AZIN1: variants seen among roughly 807,000 people sequenced by gnomAD.
AZIN1 encodes the protein ornithine decarboxylase antizyme inhibitor.
AZIN1 carries 12 observed loss-of-function variants against 47.4 expected under a neutral mutation model. The ratio of observed to expected loss-of-function variants is 0.25; its 90% CI spans 0.16 to 0.41. The LOEUF (loss-of-function observed/expected upper bound fraction) is 0.41. Among genes scored for constraint, AZIN1 ranks in the 10% least tolerant of loss-of-function variants. AZIN1 has a pLI of 1.00. For missense variants in AZIN1, 410 were observed against 532.4 expected, an observed-to-expected ratio of 0.77 and a Z score of 2.26; for synonymous variants, 155 against 176.3, an observed-to-expected ratio of 0.88 and a Z score of 0.96.
At position 102,828,680 on chromosome 8, in the gene AZIN1, T is replaced by A; in HGVS notation, c.1236-2A>T. On this transcript the variant is annotated splice_acceptor_variant, in intron 11 of 11. Transcript: ENST00000337198. LOFTEE classifies it high-confidence loss of function. ...ATTCCAGCATCTTGCATCTCATACC[T>A]ACGTAGAAAAAAAATCAGCTAAATT... 6.3e-7 allele frequency: 1 copy of A among 1,589,842 alleles called. No individual in the cohort carries two copies. Among genetic ancestry groups the A allele is most frequent in the Non-Finnish European group, 8.6e-7 (1 of 1,162,312 alleles).
chr8:102,863,541 C>G (rs1318994959), intron 1 of AZIN1, among the ~76,000 whole-genome samples: 3 of 151,456 alleles, frequency 2.0e-5, no homozygotes, highest in Non-Finnish European at 3.0e-5. Context: ...TGGCACACGC[C>G]CCCTCGCCCC....
chr8:102,862,550 T>G (rs907419013), intron 1 of AZIN1, among the ~76,000 whole-genome samples: 7 of 152,170 alleles, frequency 4.6e-5, no homozygotes, highest in African/African-American at 1.7e-4. Context: ...TAAAAGAAAT[T>G]AATGAATTAT....
At position 102,827,590 on chromosome 8, in the gene AZIN1, G is replaced by C. The variant is rs1230863495; in HGVS notation, c.*977C>G. ...AAGTTTTAGTGCTCTGCAGTTTTCT[G>C]CAATTTTATTTCCCTCCCCCCAAGT... On this transcript the variant is annotated 3_prime_UTR_variant, in exon 12 of 12. Coordinates refer to ENST00000337198, the MANE Select transcript of AZIN1 (RefSeq NM_148174.4). 1 of 152,148 alleles carries C rather than the reference G, an allele frequency of 6.6e-6. No individual in the cohort carries two copies. The highest frequency in any genetic ancestry group is 1.9e-4 in the East Asian group (1 of 5,190). The allele number at this position is 152,148 out of a possible 1,614,324, so 9.4% of individuals were successfully genotyped here. A position where few individuals can be genotyped will look rare whatever the true frequency, so the allele number is the denominator to read the frequency against.
At chr8:102,850,084 C>G (rs903458972) in intron 2 of AZIN1, 39 of 152,316 alleles carry the variant, frequency 2.6e-4, no homozygotes, top group African/African-American at 8.4e-4. Flanking sequence ...CTGGCAGCAA[C>G]AGCCCACTTG....
At chr8:102,863,507 C>A (rs1813889365) in intron 1 of AZIN1, among the ~76,000 whole-genome samples, 1 of 151,616 alleles carries the variant, frequency 6.6e-6, no homozygotes, top group Non-Finnish European at 1.5e-5. Flanking sequence ...CCCCCGGCGG[C>A]GAGACCCCCG....
intron 2 of AZIN1, among the ~76,000 whole-genome samples, chr8:102,845,291 G>A (rs925448207): frequency 1.3e-5 from 2 of 152,204 alleles, no homozygotes; most frequent in Non-Finnish European, 2.9e-5. Context: ...CAAATTTCAT[G>A]AAATACAAAT....
Position 102,826,346 on chromosome 8 carries a change from A to G in AZIN1, c.*2221T>C, listed in dbSNP as rs1052255522. The G allele has an allele frequency of 6.6e-6, 1 of 152,670 alleles. No individual in the cohort carries two copies. Among genetic ancestry groups the G allele is most frequent in the African/African-American group, 2.4e-5 (1 of 41,470 alleles). 9.5% of individuals were successfully genotyped at this position (152,670 alleles called of 1,614,324 possible). ...TTTACCTCTATTTCAGATAGAAGCC[A>G]AAGTAAAACATGAGGAATAAAAACA... On this transcript the variant is annotated 3_prime_UTR_variant, in exon 12 of 12. Coordinates refer to ENST00000337198, the MANE Select transcript of AZIN1 (RefSeq NM_148174.4).
chr8:102,832,498 CAG>C (rs1811522345), intron 9 of AZIN1, among the ~76,000 whole-genome samples: 1 of 152,102 alleles, frequency 6.6e-6, no homozygotes, highest in Non-Finnish European at 1.5e-5. Flanking sequence ...GTAAGGAGAA[CAG>C]AAAAGATCAC....
intron 2 of AZIN1, among the ~76,000 whole-genome samples, chr8:102,852,930 A>AC (rs1460861293): frequency 6.6e-6 from 1 of 152,194 alleles, no homozygotes; most frequent in Non-Finnish European, 1.5e-5. Flanking sequence ...GCTTATCTGA[A>AC]CAATGGCCAG....
In AZIN1 at chr8:102,860,711, A is replaced by G. The variant is rs147179566; in HGVS notation, c.-233-2561T>C. On this transcript the variant is annotated intron_variant, in intron 1 of 11. Coordinates refer to ENST00000337198, the MANE Select transcript of AZIN1 (RefSeq NM_148174.4). ...TACAAAAACTTTCTATCACTTTGAC[A>G]GTAACTATTACAAACTTAGTATCTC... Among the ~76,000 whole-genome samples, 252 of 152,362 alleles carry G rather than the reference A, an allele frequency of 1.7e-3. 1 individual carries two copies. Among genetic ancestry groups the G allele is most frequent in the African/African-American group, 5.8e-3 (242 of 41,588 alleles).
At chr8:102,836,760 A>G (rs761833573) in intron 5 of AZIN1, among the ~76,000 whole-genome samples, 4 of 152,214 alleles carry the variant, frequency 2.6e-5, no homozygotes, top group Non-Finnish European at 2.9e-5. Flanking sequence ...TTCAATAAAA[A>G]TATCAGGGCT....
At chr8:102,831,075 C>G (rs1811426205) in intron 9 of AZIN1, among the ~76,000 whole-genome samples, 1 of 152,086 alleles carries the variant, frequency 6.6e-6, no homozygotes, top group Non-Finnish European at 1.5e-5. Flanking sequence ...AACCAAGGCT[C>G]CCTGGAGAAA....
chr8:102,835,339 CGA>C (rs1811750908), intron 6 of AZIN1: 1 of 152,314 alleles, frequency 6.6e-6, no homozygotes, highest in South Asian at 2.1e-4. Flanking sequence ...TTCATCTATT[CGA>C]GATAGTACTT....
At chr8:102,836,617 A>T in intron 5 of AZIN1, 1 of 503,432 alleles carries the variant, frequency 2.0e-6, no homozygotes, top group Middle Eastern at 5.2e-4. Flanking sequence ...AAATGCAGCA[A>T]GTTAAGACTC....
At chr8:102,839,090 G>A (rs1422861383) in intron 4 of AZIN1, among the ~76,000 whole-genome samples, 174 bp from the exon 5 acceptor site, 2 of 152,192 alleles carry the variant, frequency 1.3e-5, no homozygotes, top group Non-Finnish European at 2.9e-5. Context: ...CTCTGGGGCT[G>A]CTCAAGTGAT....
In AZIN1 at chr8:102,828,563, C is replaced by A; in HGVS notation, c.*4G>T. The A allele has an allele frequency of 6.3e-7, 1 of 1,590,948 alleles. No individual in the cohort carries two copies. Among genetic ancestry groups the A allele is most frequent in the Non-Finnish European group, 8.6e-7 (1 of 1,161,984 alleles). ...TTCAGATCTAAAGAAGCGTTAATGC[C>A]TGTTTAAGCTTCAGCGGAAAAGCTG... On this transcript the variant is annotated 3_prime_UTR_variant, in exon 12 of 12. Transcript: ENST00000337198.
Position 102,834,224 on chromosome 8 carries a change from C to T in AZIN1, c.706G>A (p.Gly236Arg). The part of the protein sequence containing the change: ...GFTMNMLDIG[G>R]GFTGTEFQLE... ...TGAAATTCAGTTCCCGTGAATCCTC[C>T]ACCAATGTCTAACATGTTCATCGTA... The change falls in exon 8 of 12, where the codon GGA (glycine) becomes AGA (arginine). Residue 236 changes from glycine (G) to arginine (R), a missense_variant. Gly to Arg is a moderately radical substitution (Grantham distance 125). Transcript: ENST00000337198. 1 of 1,612,712 alleles carries T rather than the reference C, an allele frequency of 6.2e-7. No individual in the cohort carries two copies. Among genetic ancestry groups the T allele is most frequent in the Non-Finnish European group, 8.5e-7 (1 of 1,179,806 alleles).
chr8:102,828,629 A>T lies in AZIN1; in HGVS notation c.1285T>A (p.Phe429Ile), dbSNP rs753019754. 3 of 1,611,858 alleles carry T rather than the reference A, an allele frequency of 1.9e-6. No homozygotes were observed. Among genetic ancestry groups the T allele is most frequent in the Non-Finnish European group, 2.5e-6 (3 of 1,178,224 alleles). The change falls in exon 12 of 12, where the codon TTC becomes ATC. Residue 429 changes from phenylalanine to isoleucine, a missense_variant. Physicochemically the swap from Phe to Ile is conservative, Grantham distance 21 (BLOSUM62 0). Transcript: ENST00000337198. ...GITSDSMMKN[F>I]FFVPSCIQLS... ...TGAATGCAAGAAGGCACAAAGAAGA[A>T]GTTCTTCATCATTGAGTCTGAAGTA...
At position 102,833,177 on chromosome 8, in the gene AZIN1, A is replaced by G. The variant is rs751217443; in HGVS notation, c.783T>C (p.Pro261=). 3.7e-6 allele frequency: 6 copies of G among 1,613,832 alleles called. No homozygotes were observed. Among genetic ancestry groups the G allele is most frequent in the Non-Finnish European group, 4.2e-6 (5 of 1,179,800 alleles). ...VISPLLDIYF[P]EGSGVKIISE... ...AAATTATCTTAACACCAGATCCTTCAGGAAAGTAGATATCCAACAGAGGGC... is the reference window on the plus strand; with the variant it reads ...AAATTATCTTAACACCAGATCCTTCGGGAAAGTAGATATCCAACAGAGGGC... Residue 261 remains proline (P), a synonymous_variant, in exon 9 of 12, where the codon CCT becomes CCC. Transcript: ENST00000337198.
Sources: gnomAD v4.1 joint callset for allele counts (sites outside exome capture counted in the v4.1 genomes callset) on GRCh38, gnomAD v4.1.1 for gene constraint, MANE v1.5 for transcripts, NCBI Gene and HGNC (gene_info 2026-07-23, HGNC 2026-07-21) for gene names.